Variants in MFGE8 observed in about 807,000 individuals in gnomAD.
MFGE8 encodes lactadherin.
MFGE8 carries 34 observed loss-of-function variants against 42.6 expected under a neutral mutation model. That is an observed-to-expected ratio of 0.80 (90% confidence interval 0.61 to 1.06). The LOEUF is 1.06. Ranked by LOEUF, MFGE8 falls within the 50% of genes least tolerant of loss-of-function variation. The pLI is 0.00. For missense variants in MFGE8, 510 were observed against 516.9 expected (o/e 0.99, Z 0.13); for synonymous variants, 230 against 214.8 (o/e 1.07, Z -0.62).
In MFGE8 at chr15:88,901,239, A is replaced by ACATTCACACGCACG. The variant is rs1359429949; in HGVS notation, c.870+298_870+311dup. The stretch of plus-strand genomic sequence containing the variant: ...CATTCACACATACACATTCACACAC[A>ACATTCACACGCACG]CATTCACACGCACGCATTCACACGC... On this transcript the variant is annotated intron_variant, in intron 6 of 7. Coordinates refer to ENST00000268150, the MANE Select transcript of MFGE8 (RefSeq NM_005928.4). 5.8e-5 allele frequency among the ~76,000 whole-genome samples: 6 copies of ACATTCACACGCACG among 102,764 alleles called. 2 individuals carry two copies. The highest frequency in any genetic ancestry group is 1.4e-4 in the Non-Finnish European group (6 of 41,458). 67.4% of individuals were successfully genotyped at this position (102,764 alleles called of 152,430 possible). A position where few individuals can be genotyped will look rare whatever the true frequency, so the allele number is the denominator to read the frequency against.
At position 88,899,956 on chromosome 15, in the gene MFGE8, G is replaced by T; in HGVS notation, c.871-145C>A. On this transcript the variant is annotated intron_variant, in intron 6 of 7. Coordinates refer to ENST00000268150, the MANE Select transcript of MFGE8 (RefSeq NM_005928.4). The surrounding 1 kb of genome is among the most constrained non-coding windows in gnomAD (Gnocchi z 6.8). ...TTCTTTGGCTATAAAATGGGCATAA[G>T]GCCGGACATGGTGTCTCATGCCTAT... The T allele has an allele frequency of 1.1e-6, 1 of 929,402 alleles. No individual in the cohort carries two copies. The highest frequency in any genetic ancestry group is 1.7e-6 in the Non-Finnish European group (1 of 590,316). The allele number at this position is 929,402 out of a possible 1,614,324, so 57.6% of individuals were successfully genotyped here.
At chr15:88,909,043 C>T (rs1389352401) in intron 2 of MFGE8, among the ~76,000 whole-genome samples, 1 of 152,222 alleles carries the variant, frequency 6.6e-6, no homozygotes, top group Non-Finnish European at 1.5e-5. Flanking sequence ...CTCCACCCAT[C>T]CCTGGGCCCA....
chr15:88,899,367 A>T lies in MFGE8; in HGVS notation c.*28T>A. Reference sequence around the variant, plus strand: ...AAGAGGCAGCGGGCCCATGGAAAGCAGGAAGACCTGGGGGTGGCAGGTGGC... The same window carrying T: ...AAGAGGCAGCGGGCCCATGGAAAGCTGGAAGACCTGGGGGTGGCAGGTGGC... On this transcript the variant is annotated 3_prime_UTR_variant, in exon 8 of 8. Transcript: ENST00000268150. The surrounding 1 kb of genome is among the most constrained non-coding windows in gnomAD (Gnocchi z 6.8). 2 of 1,613,548 alleles carry T rather than the reference A, an allele frequency of 1.2e-6. No homozygotes were observed. Among genetic ancestry groups the T allele is most frequent in the Non-Finnish European group, 1.7e-6 (2 of 1,179,932 alleles).
At position 88,913,337 on chromosome 15, in the gene MFGE8, G is replaced by T. The variant is rs1330905609; in HGVS notation, c.-18C>A. 2.8e-6 allele frequency: 4 copies of T among 1,425,256 alleles called. No homozygotes were observed. The highest frequency in any genetic ancestry group is 3.1e-5 in the Admixed American group (1 of 32,346). The allele number at this position is 1,425,256 out of a possible 1,614,324, so 88.3% of individuals were successfully genotyped here. A position where few individuals can be genotyped will look rare whatever the true frequency, so the allele number is the denominator to read the frequency against. On this transcript the variant is annotated 5_prime_UTR_variant, in exon 1 of 8. Transcript: ENST00000268150. ...CGCGGCATGCTGCGGGGACGCGGGC[G>T]CTGGAATGGGCACGCTGGGCTGCTC...
In MFGE8 at chr15:88,902,886, C is replaced by T. The variant is rs1898497471; in HGVS notation, c.686-1151G>A. 1 of 152,230 alleles carries T rather than the reference C, an allele frequency of 6.6e-6. No homozygotes were observed. Among genetic ancestry groups the T allele is most frequent in the Non-Finnish European group, 1.5e-5 (1 of 68,088 alleles). 9.4% of individuals were successfully genotyped at this position (152,230 alleles called of 1,614,324 possible). A position where few individuals can be genotyped will look rare whatever the true frequency, so the allele number is the denominator to read the frequency against. On this transcript the variant is annotated intron_variant, in intron 5 of 7. Transcript: ENST00000268150. This position sits in a 1 kb window ranked among gnomAD's most constrained non-coding sequence, Gnocchi z 4.3. The stretch of plus-strand genomic sequence containing the variant: ...GAGCCAGCTAAGTTATATCACTGCC[C>T]TCCAATACTCTCACCACTCAAGAGT...
chr15:88,913,133 C>G, intron 1 of MFGE8, 114 bp downstream of exon 1: 2 of 1,386,990 alleles, frequency 1.4e-6, no homozygotes, highest in South Asian at 3.3e-5. Context: ...CAGCCCGGTC[C>G]CCGGGGCTTT....
In MFGE8 at chr15:88,902,420, A is replaced by C. The variant is rs3743392; in HGVS notation, c.686-685T>G. The C allele has an allele frequency of 6.5e-6, 1 of 152,680 alleles. No individual in the cohort carries two copies. Among genetic ancestry groups the C allele is most frequent in the African/African-American group, 2.4e-5 (1 of 41,390 alleles). 9.5% of individuals were successfully genotyped at this position (152,680 alleles called of 1,614,324 possible). On this transcript the variant is annotated intron_variant, in intron 5 of 7. Transcript: ENST00000268150. The surrounding 1 kb of genome is among the most constrained non-coding windows in gnomAD (Gnocchi z 4.3). ...CTAGATGATGAAGGCCTGCCTAGTG[A>C]CGACCCAGTGATGAACAGGACAACA...
chr15:88,905,515 A>C lies in MFGE8; in HGVS notation c.685+242T>G. ...CCAGAAGAAGGGAAAATACTTTGAA[A>C]ACTGATGTCTTTTTCTCTATCAATC... is the stretch of plus-strand genomic sequence containing the variant. On this transcript the variant is annotated intron_variant, in intron 5 of 7. Transcript: ENST00000268150. This position sits in a 1 kb window ranked among gnomAD's most constrained non-coding sequence, Gnocchi z 6.6. The C allele has an allele frequency of 1.5e-6, 1 of 682,060 alleles. No individual in the cohort carries two copies. Among genetic ancestry groups the C allele is most frequent in the South Asian group, 1.5e-5 (1 of 66,646 alleles). The allele number at this position is 682,060 out of a possible 1,614,324, so 42.3% of individuals were successfully genotyped here.
At position 88,901,548 on chromosome 15, in the gene MFGE8, C is replaced by T. The variant is rs1230513096; in HGVS notation, c.870+3G>A. On this transcript the variant is annotated splice_donor_region_variant and intron_variant, in intron 6 of 7. Transcript: ENST00000268150. ...GCCCCATATCCCAAGAAGGCTGACCCACCTGCAGCCACTGATCGTTACCGT... is the reference window on the plus strand; with the variant it reads ...GCCCCATATCCCAAGAAGGCTGACCTACCTGCAGCCACTGATCGTTACCGT... 1 of 1,612,698 alleles carries T rather than the reference C, an allele frequency of 6.2e-7. No individual in the cohort carries two copies. The highest frequency in any genetic ancestry group is 1.1e-5 in the South Asian group (1 of 91,028).
Position 88,910,063 on chromosome 15 carries a change from G to C in MFGE8, c.74-140C>G. On this transcript the variant is annotated intron_variant, in intron 1 of 7. Transcript: ENST00000268150. ...TCTCTTCCTCTCCCTCTTCCCCCGT[G>C]TGCTGGATGGAGCCTGAGTCCGCCT... 5.4e-6 allele frequency: 6 copies of C among 1,104,378 alleles called. No homozygotes were observed. In the South Asian group the frequency reaches 7.8e-5, roughly 14 times the overall value. The allele number at this position is 1,104,378 out of a possible 1,614,324, so 68.4% of individuals were successfully genotyped here. A position where few individuals can be genotyped will look rare whatever the true frequency, so the allele number is the denominator to read the frequency against.
At chr15:88,908,976 C>T (rs1319069332) in intron 2 of MFGE8, among the ~76,000 whole-genome samples, 2 of 152,186 alleles carry the variant, frequency 1.3e-5, no homozygotes, top group East Asian at 3.9e-4. Flanking sequence ...GTCCCCTGTC[C>T]CCTACCCAAG....
At chr15:88,901,517 A>AAACCAAAAAGGGGTCC in intron 6 of MFGE8, 34 bp downstream of exon 6, 1 of 1,072,616 alleles carries the variant, frequency 9.3e-7, no homozygotes, top group African/African-American at 1.6e-5. Flanking sequence ...ATCCCACCCA[A>AAACCAAAAAGGGGTCC]CCCCAGCCCC....
At chr15:88,909,674 C>G (rs1458736201) in intron 2 of MFGE8, 118 bp downstream of exon 2, 1 of 1,499,780 alleles carries the variant, frequency 6.7e-7, no homozygotes, top group Non-Finnish European at 9.2e-7. Flanking sequence ...GGCCTTGACA[C>G]CTCCACTGGG....
At chr15:88,900,656 C>T in intron 6 of MFGE8, 1 of 966,680 alleles carries the variant, frequency 1.0e-6, no homozygotes, top group Non-Finnish European at 1.2e-6. Context: ...ACCCAACTCA[C>T]TGCCAGCCAG....
intron 1 of MFGE8, chr15:88,912,685 C>T (rs1249672865): frequency 8.1e-6 from 8 of 985,264 alleles, no homozygotes; most frequent in African/African-American, 1.7e-5. Context: ...CCAAGCTCCT[C>T]GAAGCCTCTG....
At chr15:88,901,853 G>T in intron 5 of MFGE8, 118 bp from the exon 6 acceptor site, 1 of 1,031,284 alleles carries the variant, frequency 9.7e-7, no homozygotes, top group Non-Finnish European at 1.5e-6. Context: ...TCATGCTCTT[G>T]GGCAACAGAA....
intron 1 of MFGE8, chr15:88,910,306 A>C (rs774178901): frequency 8.9e-6 from 3 of 337,970 alleles, no homozygotes; most frequent in Non-Finnish European, 1.7e-5. Context: ...AAGGAGGCCC[A>C]TGAGGACTTT....
chr15:88,901,210 CACACATTCACACATACACAT>C (rs1567214762), intron 6 of MFGE8, among the ~76,000 whole-genome samples: 3 of 128,202 alleles, frequency 2.3e-5, no homozygotes, highest in Admixed American at 8.4e-5. Context: ...CATTCACACA[CACACATTCACACATACACAT>C]TCACACACAC....
At position 88,909,808 on chromosome 15, in the gene MFGE8, G is replaced by A; in HGVS notation, c.189C>T (p.Gly63=). 1 of 1,614,208 alleles carries A rather than the reference G, an allele frequency of 6.2e-7. No homozygotes were observed. The highest frequency in any genetic ancestry group is 8.5e-7 in the Non-Finnish European group (1 of 1,180,018). ...YTCTCLKGYA[G]NHCETKCVEP... ...CATACTCACTCGTCTCACAGTGGTTGCCCGCGTAGCCCTTAAGGCACGTGC... is the reference window on the plus strand; with the variant it reads ...CATACTCACTCGTCTCACAGTGGTTACCCGCGTAGCCCTTAAGGCACGTGC... The change falls in exon 2 of 8, where the codon GGC becomes GGT. Residue 63 remains glycine, a synonymous_variant. Transcript: ENST00000268150.
Sources: allele counts gnomAD v4.1 joint callset (sites outside exome capture counted in the v4.1 genomes callset), GRCh38; gene constraint gnomAD v4.1.1; non-coding constraint Gnocchi (gnomAD v3.1); transcripts MANE v1.5; gene names NCBI Gene and HGNC (gene_info 2026-07-23, HGNC 2026-07-21).